Variants in GRIA1 observed in about 807,000 individuals in gnomAD.
GRIA1 encodes the protein glutamate ionotropic receptor AMPA type subunit 1, also known as glutamate receptor 1.
GRIA1 carries 31 observed loss-of-function variants against 99.2 expected under a neutral mutation model. The observed-to-expected ratio is 0.31, with a 90% CI of 0.23 to 0.42. The LOEUF (loss-of-function observed/expected upper bound fraction) is 0.42, where lower values mean the gene tolerates loss of function less well. GRIA1 is among the 10% of genes least tolerant of loss of function. The pLI is 1.00. For synonymous variants in GRIA1, 438 were observed against 432.4 expected (o/e 1.01, Z -0.16); for missense variants, 782 against 1,157.5 (o/e 0.68, Z 4.71).
chr5:153,578,170 A>G (rs528801075), intron 2 of GRIA1, among the ~76,000 whole-genome samples: 1,312 of 119,080 alleles, frequency 0.011, 13 homozygotes, highest in African/African-American at 0.033. Context: ...AAAAAAAAAA[A>G]AAAGAAAGAA....
Position 153,647,009 on chromosome 5 carries a change from G to C in GRIA1, c.302G>C (p.Cys101Ser). ...RRTVNMLTSF[C>S]GALHVCFITP... ...ACTGTCAACATGCTGACCTCCTTTTGTGGGGCCCTCCACGTCTGCTTCATT... is the reference window on the plus strand; with the variant it reads ...ACTGTCAACATGCTGACCTCCTTTTCTGGGGCCCTCCACGTCTGCTTCATT... The change falls in exon 3 of 16, where the codon TGT becomes TCT. Residue 101 changes from cysteine (C) to serine (S), a missense_variant. Around this residue, in one of 5 missense-constraint regions of GRIA1, gnomAD observed 461 missense variants for 521.7 expected, o/e 0.88. Coordinates refer to ENST00000285900, the MANE Select transcript of GRIA1 (RefSeq NM_000827.4). 6.2e-7 allele frequency: 1 copy of C among 1,613,940 alleles called. No homozygotes were observed. Among genetic ancestry groups the C allele is most frequent in the Middle Eastern group, 1.6e-4 (1 of 6,062 alleles).
chr5:153,665,207 C>T (rs1357496934), intron 5 of GRIA1, among the ~76,000 whole-genome samples: 2 of 152,236 alleles, frequency 1.3e-5, no homozygotes, highest in Non-Finnish European at 2.9e-5. Flanking sequence ...AAAGTGCCAG[C>T]ATTTTATCCT....
chr5:153,738,883 C>T (rs6861421), intron 11 of GRIA1, among the ~76,000 whole-genome samples: 59,283 of 151,392 alleles, frequency 0.39, 12,760 homozygotes, highest in East Asian at 0.94. Context: ...CCACCACGTC[C>T]GGCTAATTTT....
intron 13 of GRIA1, among the ~76,000 whole-genome samples, chr5:153,774,938 T>C (rs1444732646): frequency 6.6e-6 from 1 of 152,208 alleles, no homozygotes; most frequent in Non-Finnish European, 1.5e-5. Flanking sequence ...GATTTTCCAT[T>C]TGGACAGGTG....
chr5:153,611,487 G>A (rs1765974136), intron 2 of GRIA1, among the ~76,000 whole-genome samples: 1 of 152,130 alleles, frequency 6.6e-6, no homozygotes, highest in South Asian at 2.1e-4. Flanking sequence ...CCAGGCAGTA[G>A]ATATTCCTGT....
Position 153,705,824 on chromosome 5 carries a change from G to T in GRIA1, c.1580G>T (p.Gly527Val). 6.2e-7 allele frequency: 1 copy of T among 1,613,896 alleles called. No individual in the cohort carries two copies. The highest frequency in any genetic ancestry group is 8.5e-7 in the Non-Finnish European group (1 of 1,179,974). Residue 527 changes from glycine to valine, a missense_variant, in exon 11 of 16, where the codon GGT becomes GTT. By Grantham distance (109) the Gly-to-Val change is moderately radical (BLOSUM62 -3). Transcript: ENST00000285900. ...MIKKPQKSKP[G>V]VFSFLDPLAY... ...AAAAAACCACAGAAATCCAAGCCGGGTGTCTTCTCCTTCCTTGATCCTTTG... is the reference window on the plus strand; with the variant it reads ...AAAAAACCACAGAAATCCAAGCCGGTTGTCTTCTCCTTCCTTGATCCTTTG...
At chr5:153,748,378 T>G (rs1762294151) in intron 11 of GRIA1, among the ~76,000 whole-genome samples, 1 of 152,154 alleles carries the variant, frequency 6.6e-6, no homozygotes, top group Non-Finnish European at 1.5e-5. Context: ...ACTTCGGTGT[T>G]TTCTAGAAAC....
At chr5:153,527,895 C>T (rs1757747115) in intron 2 of GRIA1, among the ~76,000 whole-genome samples, 1 of 152,256 alleles carries the variant, frequency 6.6e-6, no homozygotes, top group Admixed American at 6.5e-5. Context: ...TGATCAATTT[C>T]GTCAAAAGAT....
Position 153,705,871 on chromosome 5 carries a change from A to G in GRIA1, c.1627A>G (p.Ile543Val). 1 of 1,613,744 alleles carries G rather than the reference A, an allele frequency of 6.2e-7. No individual in the cohort carries two copies. The highest frequency in any genetic ancestry group is 8.5e-7 in the Non-Finnish European group (1 of 1,179,932). ...DPLAYEIWMC[I>V]VFAYIGVSVV... ...TTTGGCTTATGAGATTTGGATGTGCATTGTTTTTGCCTACATTGGAGTGAG... is the reference window on the plus strand; with the variant it reads ...TTTGGCTTATGAGATTTGGATGTGCGTTGTTTTTGCCTACATTGGAGTGAG... The change falls in exon 11 of 16, where the codon ATT becomes GTT. Residue 543 changes from isoleucine to valine, a missense_variant. Coordinates refer to ENST00000285900, the MANE Select transcript of GRIA1 (RefSeq NM_000827.4).
At chr5:153,730,786 G>T (rs1760954025) in intron 11 of GRIA1, among the ~76,000 whole-genome samples, 1 of 152,086 alleles carries the variant, frequency 6.6e-6, no homozygotes, top group Non-Finnish European at 1.5e-5. Context: ...CTAGTTTCTA[G>T]GCAGTTAGGA....
intron 11 of GRIA1, among the ~76,000 whole-genome samples, chr5:153,723,209 A>C (rs1258217131): frequency 2.0e-5 from 3 of 152,226 alleles, no homozygotes; most frequent in Non-Finnish European, 4.4e-5. Context: ...ATGTGTAAGG[A>C]AAGCTGTGGG....
intron 2 of GRIA1, among the ~76,000 whole-genome samples, chr5:153,536,711 T>C (rs904431416): frequency 6.6e-6 from 1 of 152,230 alleles, no homozygotes; most frequent in African/African-American, 2.4e-5. Context: ...TTTGTGCTCA[T>C]GTTAAATTTA....
At chr5:153,701,198 C>A (rs997047453) in intron 10 of GRIA1, among the ~76,000 whole-genome samples, 5 of 152,210 alleles carry the variant, frequency 3.3e-5, no homozygotes, top group Admixed American at 3.3e-4. Context: ...CAGTAGCCAA[C>A]ACAGCTGGTG....
At chr5:153,600,138 T>G (rs1764786430) in intron 2 of GRIA1, among the ~76,000 whole-genome samples, 1 of 152,050 alleles carries the variant, frequency 6.6e-6, no homozygotes, top group East Asian at 1.9e-4. Flanking sequence ...ACGCTTGTAA[T>G]CCCAGCACTT....
chr5:153,612,044 T>C (rs930287770), intron 2 of GRIA1, among the ~76,000 whole-genome samples: 1 of 152,220 alleles, frequency 6.6e-6, no homozygotes, highest in Non-Finnish European at 1.5e-5. Context: ...GGGAGAATGC[T>C]TGCTTTGTCT....
At chr5:153,639,808 G>A (rs533910935) in intron 2 of GRIA1, among the ~76,000 whole-genome samples, 22 of 152,360 alleles carry the variant, frequency 1.4e-4, no homozygotes, top group African/African-American at 5.3e-4. Flanking sequence ...TGATTAGGCA[G>A]AAGAAAGATG....
intron 14 of GRIA1, among the ~76,000 whole-genome samples, chr5:153,802,012 A>G (rs1766071076): frequency 6.6e-6 from 1 of 151,970 alleles, no homozygotes; most frequent in Non-Finnish European, 1.5e-5. Flanking sequence ...TTTTGAAAGA[A>G]TGGGCTAAGC....
chr5:153,687,554 C>T (rs557632812), intron 8 of GRIA1, among the ~76,000 whole-genome samples: 1 of 152,296 alleles, frequency 6.6e-6, no homozygotes, highest in South Asian at 2.1e-4. Flanking sequence ...CCGTATGTGG[C>T]TGTTTAGGTT....
At chr5:153,796,013 C>CTTT (rs11426974) in intron 14 of GRIA1, among the ~76,000 whole-genome samples, 15 of 130,240 alleles carry the variant, frequency 1.2e-4, no homozygotes, top group African/African-American at 3.5e-4. Flanking sequence ...TTTTTTTTAA[C>CTTT]TTTTTTTTTT....
Sources: gnomAD v4.1 joint callset for allele counts (sites outside exome capture counted in the v4.1 genomes callset) on GRCh38, gnomAD v4.1.1 for gene constraint, gnomAD v4.1.1 regional missense constraint, MANE v1.5 for transcripts, NCBI Gene and HGNC (gene_info 2026-07-23, HGNC 2026-07-21) for gene names.